Variants in FSHR observed in about 807,000 individuals in gnomAD.
The protein encoded by FSHR is follicle-stimulating hormone receptor.
In FSHR, 46 loss-of-function variants were observed where a neutral mutation model predicts 52.1. The observed-to-expected ratio is 0.88, with a 90% CI of 0.70 to 1.13. FSHR has a LOEUF of 1.13. Among genes scored for constraint, FSHR ranks in the 50% most tolerant of loss-of-function variants. FSHR has a pLI of 0.00. For synonymous variants in FSHR, 399 were observed against 309.6 expected, an observed-to-expected ratio of 1.29 and a Z score of -3.03; for missense variants, 964 against 834.6, an observed-to-expected ratio of 1.16 and a Z score of -1.91.
chr2:49,060,084 C>T (rs185777299), intron 2 of FSHR, among the ~76,000 whole-genome samples: 25 of 152,096 alleles, frequency 1.6e-4, no homozygotes, highest in African/African-American at 5.8e-4. Flanking sequence ...AAATGGCCAA[C>T]ACATATATGG....
In FSHR at chr2:49,013,481, A is replaced by AT. The variant is rs1667357141; in HGVS notation, c.374+4007_374+4008insA. On this transcript the variant is annotated intron_variant, in intron 4 of 9. Coordinates refer to ENST00000406846, the MANE Select transcript of FSHR (RefSeq NM_000145.4). ...ATATATAAATATATATATATATATA[A>AT]ATAAATATATATATATATAAATATA... Among the ~76,000 whole-genome samples the AT allele has an allele frequency of 2.6e-5, 3 of 115,058 alleles. No individual in the cohort carries two copies. In the South Asian group the frequency reaches 8.5e-4, roughly 32 times the overall value. The allele number at this position is 115,058 out of a possible 152,430, so 75.5% of individuals were successfully genotyped here. A position where few individuals can be genotyped will look rare whatever the true frequency, so the allele number is the denominator to read the frequency against.
intron 1 of FSHR, among the ~76,000 whole-genome samples, chr2:49,100,147 T>C (rs1293537130): frequency 6.6e-6 from 1 of 152,172 alleles, no homozygotes; most frequent in African/African-American, 2.4e-5. Context: ...AGTTTCTAGA[T>C]GAGGAGGCCT....
At chr2:49,107,069 C>A (rs1671247661) in intron 1 of FSHR, among the ~76,000 whole-genome samples, 1 of 152,150 alleles carries the variant, frequency 6.6e-6, no homozygotes, top group Non-Finnish European at 1.5e-5. Context: ...TTCAATGACT[C>A]CTTATCACCT....
chr2:49,055,762 G>A (rs1439735214), intron 2 of FSHR, among the ~76,000 whole-genome samples: 1 of 151,742 alleles, frequency 6.6e-6, no homozygotes, highest in Non-Finnish European at 1.5e-5. Flanking sequence ...TATATTCAAA[G>A]TACTAAAAGA....
At chr2:49,103,044 A>G (rs535222248) in intron 1 of FSHR, among the ~76,000 whole-genome samples, 75 of 152,132 alleles carry the variant, frequency 4.9e-4, no homozygotes, top group African/African-American at 1.8e-3. Context: ...ATTTAATACC[A>G]CAGTTATATT....
intron 2 of FSHR, among the ~76,000 whole-genome samples, chr2:49,021,600 C>T (rs1382012700): frequency 2.6e-5 from 4 of 151,650 alleles, no homozygotes; most frequent in Admixed American, 1.3e-4. Context: ...TGAGCAGCAG[C>T]AGTCTGCTGG....
intron 4 of FSHR, among the ~76,000 whole-genome samples, chr2:49,013,279 T>C (rs1231623317): frequency 6.6e-6 from 1 of 151,632 alleles, no homozygotes; most frequent in African/African-American, 2.4e-5. Context: ...TTTAATTTAC[T>C]TAGCGTATGG....
chr2:49,086,808 T>C lies in FSHR; in HGVS notation c.153-18518A>G, dbSNP rs983786720. 5.9e-5 allele frequency among the ~76,000 whole-genome samples: 9 copies of C among 152,238 alleles called. No individual in the cohort carries two copies. In the South Asian group the frequency reaches 1.0e-3, roughly 18 times the overall value. On this transcript the variant is annotated intron_variant, in intron 1 of 9. Coordinates refer to ENST00000406846, the MANE Select transcript of FSHR (RefSeq NM_000145.4). ...GGTGCCCGCCATCATGTCTGGCTAATTTTCTTAGTTTCACCGTGTTGGCCA... is the reference window on the plus strand; with the variant it reads ...GGTGCCCGCCATCATGTCTGGCTAACTTTCTTAGTTTCACCGTGTTGGCCA...
At chr2:49,152,605 A>G (rs1448382862) in intron 1 of FSHR, among the ~76,000 whole-genome samples, 1 of 152,126 alleles carries the variant, frequency 6.6e-6, no homozygotes, top group African/African-American at 2.4e-5. Context: ...GAGATTTCAG[A>G]AAGCAGACAG....
At chr2:49,059,927 G>A (rs10865239) in intron 2 of FSHR, among the ~76,000 whole-genome samples, 77,381 of 151,906 alleles carry the variant, frequency 0.51, 20,362 homozygotes, top group East Asian at 0.75. Flanking sequence ...GACAACCACA[G>A]AATGGGAGAA....
At chr2:49,148,498 G>C (rs549389714) in intron 1 of FSHR, among the ~76,000 whole-genome samples, 1 of 151,950 alleles carries the variant, frequency 6.6e-6, no homozygotes, top group Admixed American at 6.6e-5. Context: ...ACCTGTAATT[G>C]AGCGTCCAGA....
At chr2:48,989,378 G>A (rs193001508) in intron 5 of FSHR, among the ~76,000 whole-genome samples, 2 of 150,054 alleles carry the variant, frequency 1.3e-5, no homozygotes, top group East Asian at 4.0e-4. Flanking sequence ...AACCTCCCAG[G>A]CTCCAGTGAT....
At chr2:49,041,717 A>G (rs1668484587) in intron 2 of FSHR, among the ~76,000 whole-genome samples, 1 of 152,094 alleles carries the variant, frequency 6.6e-6, no homozygotes, top group Non-Finnish European at 1.5e-5. Flanking sequence ...TCCCCTTGAC[A>G]TCCTTACCTG....
intron 4 of FSHR, among the ~76,000 whole-genome samples, chr2:49,000,508 T>C (rs983431721): frequency 6.6e-6 from 1 of 152,164 alleles, no homozygotes; most frequent in African/African-American, 2.4e-5. Context: ...GCCAATGTCA[T>C]AGTTGGAGTT....
Position 48,989,016 on chromosome 2 carries a change from C to A in FSHR, c.485G>T (p.Arg162Ile). The A allele has an allele frequency of 6.2e-7, 1 of 1,613,952 alleles. No homozygotes were observed. Among genetic ancestry groups the A allele is most frequent in the Non-Finnish European group, 8.5e-7 (1 of 1,179,914 alleles). The change falls in exon 6 of 10, where the codon AGA becomes ATA. Residue 162 changes from arginine (R) to isoleucine (I), a missense_variant. Arg to Ile is a moderately conservative substitution (Grantham distance 97). Coordinates refer to ENST00000406846, the MANE Select transcript of FSHR (RefSeq NM_000145.4). The stretch of plus-strand genomic sequence containing the variant: ...AAAGCTCAGCCCCACGAAAGAATTT[C>A]TTTCAATTGTGTGGATGTTTATGTT... ...QDNINIHTIE[R>I]NSFVGLSFES...
At chr2:49,073,604 A>G (rs1480472649) in intron 1 of FSHR, among the ~76,000 whole-genome samples, 1 of 152,112 alleles carries the variant, frequency 6.6e-6, no homozygotes, top group African/African-American at 2.4e-5. Context: ...TAATATTGTT[A>G]AAATGACTAT....
chr2:49,143,186 T>C (rs2103842593), intron 1 of FSHR, among the ~76,000 whole-genome samples: 1 of 152,158 alleles, frequency 6.6e-6, no homozygotes, highest in Non-Finnish European at 1.5e-5. Flanking sequence ...TGAGAAGCAA[T>C]AGAGAAGTCA....
intron 6 of FSHR, among the ~76,000 whole-genome samples, chr2:48,985,487 C>T (rs1675460362): frequency 6.6e-6 from 1 of 152,110 alleles, no homozygotes; most frequent in Non-Finnish European, 1.5e-5. Context: ...TAGGTGCTTT[C>T]CCCATTCAGG....
intron 1 of FSHR, among the ~76,000 whole-genome samples, chr2:49,149,695 C>T (rs1267858641): frequency 6.6e-6 from 1 of 151,894 alleles, no homozygotes; most frequent in African/African-American, 2.4e-5. Flanking sequence ...CCTAGACACA[C>T]TTTAAAATTC....
Sources: gnomAD v4.1 joint callset for allele counts (sites outside exome capture counted in the v4.1 genomes callset) on GRCh38, gnomAD v4.1.1 for gene constraint, MANE v1.5 for transcripts, NCBI Gene and HGNC (gene_info 2026-07-23, HGNC 2026-07-21) for gene names.